FRY: variants seen among roughly 807,000 people sequenced by gnomAD.
FRY encodes the protein FRY microtubule binding protein.
In FRY, 128 loss-of-function variants were observed where a neutral mutation model predicts 348.4. That is an observed-to-expected ratio of 0.37 (90% confidence interval 0.32 to 0.43). FRY has a LOEUF of 0.43. Among genes scored for constraint, FRY ranks in the 20% least tolerant of loss-of-function variants. The pLI is 1.00. For missense variants in FRY, 2,736 were observed against 3,695.2 expected, an observed-to-expected ratio of 0.74 and a Z score of 6.73; for synonymous variants, 1,370 against 1,374.7, an observed-to-expected ratio of 1.00 and a Z score of 0.08.
chr13:32,178,591 G>A (rs1362120291), intron 21 of FRY, among the ~76,000 whole-genome samples, 155 bp downstream of exon 21: 1 of 152,060 alleles, frequency 6.6e-6, no homozygotes, highest in African/African-American at 2.4e-5. Context: ...AAAAAATTTT[G>A]TCTAAAGCTA....
At chr13:32,254,595 G>T (rs78899952) in intron 51 of FRY, among the ~76,000 whole-genome samples, 1 of 152,104 alleles carries the variant, frequency 6.6e-6, no homozygotes, top group South Asian at 2.1e-4. Context: ...CTGAGCCCAC[G>T]GCAAAAGCTG....
rs1019917042 is a variant in FRY at position 32,297,914 on chromosome 13, C to T, written c.*2454C>T. On this transcript the variant is annotated 3_prime_UTR_variant, in exon 61 of 61. Coordinates refer to ENST00000542859, the MANE Select transcript of FRY (RefSeq NM_023037.3). The stretch of plus-strand genomic sequence containing the variant: ...TGTTTTCTAGCACTGAAACATGATA[C>T]ACTTTGTATCCACCTGCAGAATAAA... 6.6e-6 allele frequency: 1 copy of T among 152,190 alleles called. No individual in the cohort carries two copies. The highest frequency in any genetic ancestry group is 1.5e-5 in the Non-Finnish European group (1 of 68,036). 9.4% of individuals were successfully genotyped at this position (152,190 alleles called of 1,614,324 possible).
At chr13:32,166,032 C>T (rs1881715769) in intron 17 of FRY, among the ~76,000 whole-genome samples, 2 of 152,222 alleles carry the variant, frequency 1.3e-5, no homozygotes, top group African/African-American at 4.8e-5. Context: ...TACAGCTATG[C>T]ATTCGCTTTC....
At chr13:32,278,262 C>T (rs1339436260) in intron 57 of FRY, among the ~76,000 whole-genome samples, 1 of 152,204 alleles carries the variant, frequency 6.6e-6, no homozygotes, top group Non-Finnish European at 1.5e-5. Flanking sequence ...ATGACCATTA[C>T]TGAACCCATA....
chr13:32,228,367 A>G (rs557400323), intron 39 of FRY, 89 bp from the exon 40 acceptor site: 1 of 966,626 alleles, frequency 1.0e-6, no homozygotes, highest in Non-Finnish European at 1.7e-6. Context: ...ATAACTCCAC[A>G]CTTCCCTGCC....
rs538860931 is a variant in FRY, at chr13:32,276,550, G to A, written c.8373G>A (p.Glu2791=). 1.7e-5 allele frequency: 26 copies of A among 1,559,206 alleles called. No individual in the cohort carries two copies. The highest frequency in any genetic ancestry group is 2.1e-5 in the Non-Finnish European group (24 of 1,129,954). The change falls in exon 57 of 61, where the codon GAG becomes GAA. Residue 2791 remains glutamate (E), a synonymous_variant. Coordinates refer to ENST00000542859, the MANE Select transcript of FRY (RefSeq NM_023037.3). ...EYLDTYNNRK[E]ATLSWLANCK... is the part of the protein sequence containing the mutation. ...TGGATACCTACAACAACAGGAAAGA[G>A]GCCACACTCTCTGTAAGCTTTTGTG... is the stretch of plus-strand genomic sequence containing the variant.
At chr13:32,243,422 G>C (rs993688999) in intron 46 of FRY, among the ~76,000 whole-genome samples, 1 of 152,088 alleles carries the variant, frequency 6.6e-6, no homozygotes, top group African/African-American at 2.4e-5. Flanking sequence ...GTCTATCTCT[G>C]GTTTGAGAAA....
chr13:32,209,473 C>A, intron 32 of FRY, 112 bp from the exon 33 acceptor site: 2 of 979,428 alleles, frequency 2.0e-6, no homozygotes, highest in Non-Finnish European at 3.3e-6. Context: ...GTCATGTTTA[C>A]CCCTTCTTAT....
chr13:32,281,582 C>A lies in FRY; in HGVS notation c.8469+3034C>A, dbSNP rs183633280. On this transcript the variant is annotated intron_variant, in intron 58 of 60. Transcript: ENST00000542859. Reference sequence around the variant, plus strand: ...AATGTTTTTGCAAAAACCAACCAAGCTTTGGCCCCATTGTCAGTATTAGCT... The same window carrying A: ...AATGTTTTTGCAAAAACCAACCAAGATTTGGCCCCATTGTCAGTATTAGCT... Among the ~76,000 whole-genome samples, 9 of 152,294 alleles carry A rather than the reference C, an allele frequency of 5.9e-5. No homozygotes were observed. In the East Asian group the frequency reaches 1.4e-3, roughly 23 times the overall value.
intron 1 of FRY, among the ~76,000 whole-genome samples, chr13:32,077,238 T>C (rs1198509623): frequency 6.6e-6 from 1 of 152,200 alleles, no homozygotes; most frequent in Non-Finnish European, 1.5e-5. Flanking sequence ...ATGATGGTAA[T>C]TGAGAGCTAT....
chr13:32,055,034 T>C (rs1276442110), intron 1 of FRY, among the ~76,000 whole-genome samples: 3 of 152,106 alleles, frequency 2.0e-5, no homozygotes. Flanking sequence ...TTTTACTATT[T>C]ATTTCTTTAT....
At chr13:32,227,751 GTTTT>G (rs200389438) in intron 39 of FRY, among the ~76,000 whole-genome samples, 1 of 135,872 alleles carries the variant, frequency 7.4e-6, no homozygotes, top group Non-Finnish European at 1.6e-5. Context: ...ATTTCACATG[GTTTT>G]TTTTTTTTTT....
chr13:32,284,557 C>A (rs947574852), intron 58 of FRY, among the ~76,000 whole-genome samples: 1 of 152,132 alleles, frequency 6.6e-6, no homozygotes, highest in Admixed American at 6.5e-5. Flanking sequence ...TAATCTGTAT[C>A]ATAGGTGTAT....
In FRY at chr13:32,184,597, C is replaced by T; in HGVS notation, c.3055-3C>T. The T allele has an allele frequency of 6.2e-7, 1 of 1,604,378 alleles. No homozygotes were observed. Among genetic ancestry groups the T allele is most frequent in the Non-Finnish European group, 8.5e-7 (1 of 1,171,172 alleles). On this transcript the variant is annotated splice_polypyrimidine_tract_variant and splice_region_variant and intron_variant, in intron 24 of 60. Coordinates refer to ENST00000542859, the MANE Select transcript of FRY (RefSeq NM_023037.3). ...GTAAGTGATACTACCTCTTTCTACA[C>T]AGAACAAGAAACGCCGAGAACGGCG... is the stretch of plus-strand genomic sequence containing the variant.
chr13:32,287,447 A>C (rs543840673), intron 58 of FRY, among the ~76,000 whole-genome samples: 1 of 152,364 alleles, frequency 6.6e-6, no homozygotes, highest in Admixed American at 6.5e-5. Context: ...CTTAATACAA[A>C]GCAATAGTCT....
intron 14 of FRY, among the ~76,000 whole-genome samples, chr13:32,152,855 T>C (rs1382416910): frequency 6.6e-6 from 1 of 152,114 alleles, no homozygotes; most frequent in Non-Finnish European, 1.5e-5. Flanking sequence ...TTTACAAAAC[T>C]CATATCTGAC....
At chr13:32,244,421 T>C (rs921329036) in intron 47 of FRY, among the ~76,000 whole-genome samples, 2 of 152,144 alleles carry the variant, frequency 1.3e-5, no homozygotes, top group African/African-American at 4.8e-5. Context: ...TTTCCGCCTC[T>C]TGGGGCCACA....
At chr13:32,207,873 G>A (rs1050016315) in intron 31 of FRY, among the ~76,000 whole-genome samples, 3 of 152,094 alleles carry the variant, frequency 2.0e-5, no homozygotes, top group Non-Finnish European at 4.4e-5. Flanking sequence ...TGCCACACTG[G>A]ATCATAACAC....
intron 55 of FRY, among the ~76,000 whole-genome samples, chr13:32,274,081 C>G (rs190812559): frequency 6.6e-6 from 1 of 152,148 alleles, no homozygotes; most frequent in Non-Finnish European, 1.5e-5. Context: ...CAAGCATCCA[C>G]GCATTGGGAA....
Sources: allele counts gnomAD v4.1 joint callset (sites outside exome capture counted in the v4.1 genomes callset), GRCh38; gene constraint gnomAD v4.1.1; transcripts MANE v1.5; gene names NCBI Gene and HGNC (gene_info 2026-07-23, HGNC 2026-07-21).